Variants in FGF12 observed in about 807,000 individuals in gnomAD.
The protein encoded by FGF12 is fibroblast growth factor 12, also known as fibroblast growth factor 12B.
Under a neutral mutation model 23.6 loss-of-function variants are expected in FGF12, and 14 were observed. That is an observed-to-expected ratio of 0.59 (90% CI 0.39 to 0.93). The LOEUF (loss-of-function observed/expected upper bound fraction) is 0.93, where lower values mean the gene tolerates loss of function less well. FGF12 is among the 40% of genes least tolerant of loss of function. FGF12 has a pLI of 0.00. For synonymous variants in FGF12, 62 were observed against 77.3 expected, an observed-to-expected ratio of 0.80 and a Z score of 1.04; for missense variants, 175 against 217.8, an observed-to-expected ratio of 0.80 and a Z score of 1.24.
At chr3:192,281,595 T>C (rs1390173561) in intron 4 of FGF12, among the ~76,000 whole-genome samples, 1 of 152,032 alleles carries the variant, frequency 6.6e-6, no homozygotes, top group African/African-American at 2.4e-5. Flanking sequence ...ACACATAATC[T>C]CTGTAATGAC....
At chr3:192,604,092 C>T (rs1471074391) in intron 2 of FGF12, among the ~76,000 whole-genome samples, 4 of 152,114 alleles carry the variant, frequency 2.6e-5, no homozygotes, top group African/African-American at 4.8e-5. Context: ...CCTACTTGCA[C>T]GTTCATTTAT....
chr3:192,511,563 T>A (rs1272164612), intron 2 of FGF12, among the ~76,000 whole-genome samples: 1 of 152,206 alleles, frequency 6.6e-6, no homozygotes, highest in Non-Finnish European at 1.5e-5. Flanking sequence ...TAGAGAAAAA[T>A]GAACTTGCTT....
chr3:192,518,355 A>T (rs1214573866), intron 2 of FGF12, among the ~76,000 whole-genome samples: 1 of 152,116 alleles, frequency 6.6e-6, no homozygotes, highest in African/African-American at 2.4e-5. Context: ...TAGTACCTAA[A>T]TTTTTTCTTT....
At chr3:192,321,841 G>A (rs1454426250) in intron 4 of FGF12, among the ~76,000 whole-genome samples, 2 of 151,910 alleles carry the variant, frequency 1.3e-5, no homozygotes, top group African/African-American at 2.4e-5. Context: ...GCCATACATC[G>A]CAGACCCACA....
intron 4 of FGF12, among the ~76,000 whole-genome samples, chr3:192,304,026 G>A (rs1412123791): frequency 1.3e-5 from 2 of 152,156 alleles, no homozygotes; most frequent in African/African-American, 2.4e-5. Flanking sequence ...ATGCTAGGAC[G>A]TGATTCAGGG....
intron 2 of FGF12, among the ~76,000 whole-genome samples, chr3:192,576,519 T>C (rs1328335508): frequency 1.3e-5 from 2 of 152,116 alleles, no homozygotes; most frequent in Non-Finnish European, 2.9e-5. Context: ...AGTAATGTCT[T>C]AGAAAGGTAC....
At chr3:192,648,811 G>C (rs979518993) in intron 2 of FGF12, among the ~76,000 whole-genome samples, 1 of 152,170 alleles carries the variant, frequency 6.6e-6, no homozygotes, top group African/African-American at 2.4e-5. Context: ...GTGAGGTAAG[G>C]CTTTCCATTG....
chr3:192,531,542 ATTT>A (rs1372769059), intron 2 of FGF12, among the ~76,000 whole-genome samples: 1 of 151,438 alleles, frequency 6.6e-6, no homozygotes, highest in Non-Finnish European at 1.5e-5. Context: ...AGGTTTGGGT[ATTT>A]TTTTTTCTTT....
Position 192,514,521 on chromosome 3 carries a change from C to T in FGF12, c.14-153983G>A, listed in dbSNP as rs181838620. On this transcript the variant is annotated intron_variant, in intron 2 of 5. Transcript: ENST00000445105. This position sits in a 1 kb window ranked among gnomAD's most constrained non-coding sequence, Gnocchi z 4.9. ...CCCACAGACAGAACCAGCGGAGGGG[C>T]CCTGACCTCGCCCCAGTCGGGAAAC... The T allele has an allele frequency of 1.1e-5, 2 of 190,028 alleles. No individual in the cohort carries two copies. The highest frequency in any genetic ancestry group is 2.4e-5 in the African/African-American group (1 of 42,212). 11.8% of individuals were successfully genotyped at this position (190,028 alleles called of 1,614,324 possible).
At chr3:192,324,155 C>A (rs955014008) in intron 4 of FGF12, among the ~76,000 whole-genome samples, 3 of 151,782 alleles carry the variant, frequency 2.0e-5, no homozygotes, top group Non-Finnish European at 4.4e-5. Context: ...TATATGCCTA[C>A]CACGTGCCCA....
intron 4 of FGF12, among the ~76,000 whole-genome samples, chr3:192,192,942 T>C (rs1277507871): frequency 6.6e-6 from 1 of 152,196 alleles, no homozygotes; most frequent in East Asian, 1.9e-4. Context: ...TATATAATCA[T>C]GTAAGCAGCA....
intron 2 of FGF12, among the ~76,000 whole-genome samples, chr3:192,397,341 A>C (rs1720568929): frequency 6.6e-6 from 1 of 152,238 alleles, no homozygotes; most frequent in Non-Finnish European, 1.5e-5. Context: ...TTTCCCGAAA[A>C]GAAAATAGAT....
intron 2 of FGF12, among the ~76,000 whole-genome samples, chr3:192,429,389 A>G (rs1362527805): frequency 6.6e-6 from 1 of 152,124 alleles, no homozygotes; most frequent in Non-Finnish European, 1.5e-5. Context: ...ACTGAGAAAA[A>G]TGCAGTCCTT....
chr3:192,259,283 A>G (rs2108615459), intron 4 of FGF12, among the ~76,000 whole-genome samples: 1 of 152,332 alleles, frequency 6.6e-6, no homozygotes, highest in African/African-American at 2.4e-5. Flanking sequence ...ACTGCATCAT[A>G]AGATAAGAGT....
At chr3:192,608,010 T>C (rs1714410149) in intron 2 of FGF12, among the ~76,000 whole-genome samples, 1 of 152,118 alleles carries the variant, frequency 6.6e-6, no homozygotes, top group Non-Finnish European at 1.5e-5. Flanking sequence ...AACTGGATCA[T>C]TGAGGCCATT....
intron 2 of FGF12, among the ~76,000 whole-genome samples, chr3:192,422,536 C>A (rs1257344724): frequency 6.6e-6 from 1 of 152,154 alleles, no homozygotes; most frequent in Admixed American, 6.5e-5. Flanking sequence ...AAACCTGACT[C>A]ATTAATCTTG....
chr3:192,499,326 G>T (rs897327794), intron 2 of FGF12, among the ~76,000 whole-genome samples: 8 of 151,270 alleles, frequency 5.3e-5, no homozygotes, highest in Non-Finnish European at 8.8e-5. Context: ...CAGGTCACAA[G>T]TCTACAAATC....
intron 2 of FGF12, among the ~76,000 whole-genome samples, chr3:192,456,910 A>G (rs930259346): frequency 2.0e-5 from 3 of 152,146 alleles, no homozygotes; most frequent in African/African-American, 7.2e-5. Flanking sequence ...TCCCTACCCA[A>G]ATCTCATCTT....
chr3:192,187,306 A>G (rs1463719187), intron 4 of FGF12, among the ~76,000 whole-genome samples: 1 of 152,198 alleles, frequency 6.6e-6, no homozygotes, highest in Non-Finnish European at 1.5e-5. Context: ...AAATTTATAT[A>G]GTATATCTTA....
Sources: allele counts gnomAD v4.1 joint callset (sites outside exome capture counted in the v4.1 genomes callset), GRCh38; gene constraint gnomAD v4.1.1; non-coding constraint Gnocchi (gnomAD v3.1); transcripts MANE v1.5; gene names NCBI Gene and HGNC (gene_info 2026-07-23, HGNC 2026-07-21).